The following PATJ variants were observed in gnomAD, a reference collection of about 807,000 sequenced individuals.
PATJ encodes inaD-like protein.
A neutral mutation model predicts 224.9 loss-of-function variants in PATJ; 190 were observed. The observed-to-expected ratio is 0.84, with a 90% CI of 0.75 to 0.95. PATJ has a LOEUF of 0.95. Among genes scored for constraint, PATJ ranks in the 40% least tolerant of loss-of-function variants. PATJ has a pLI of 0.00. For synonymous variants in PATJ, 769 were observed against 820.3 expected, an observed-to-expected ratio of 0.94 and a Z score of 1.07; for missense variants, 2,121 against 2,270.3, an observed-to-expected ratio of 0.93 and a Z score of 1.34.
chr1:61,748,278 C>T (rs1374169323), intron 1 of PATJ, among the ~76,000 whole-genome samples: 8 of 73,424 alleles, frequency 1.1e-4, no homozygotes, highest in African/African-American at 4.1e-4. Context: ...TTTTTTGAGA[C>T]GAGTCTTGCT....
At chr1:61,892,794 A>C (rs1263688364) in intron 22 of PATJ, among the ~76,000 whole-genome samples, 1 of 152,050 alleles carries the variant, frequency 6.6e-6, no homozygotes, top group Non-Finnish European at 1.5e-5. Context: ...CGTTTGTTAC[A>C]ATTGATAATA....
intron 39 of PATJ, among the ~76,000 whole-genome samples, chr1:62,126,491 A>G (rs2148938331): frequency 6.6e-6 from 1 of 152,350 alleles, no homozygotes; most frequent in South Asian, 2.1e-4. Context: ...CTGTGCTGCC[A>G]TGCCAGAACT....
chr1:61,988,923 G>T (rs930833106), intron 27 of PATJ, among the ~76,000 whole-genome samples: 3 of 152,230 alleles, frequency 2.0e-5, no homozygotes, highest in African/African-American at 7.2e-5. Flanking sequence ...ATTAGAATGA[G>T]CATTTAGGGT....
At chr1:61,983,640 A>T (rs1447535251) in intron 27 of PATJ, among the ~76,000 whole-genome samples, 1 of 152,116 alleles carries the variant, frequency 6.6e-6, no homozygotes, top group Non-Finnish European at 1.5e-5. Flanking sequence ...GAGGATCTTC[A>T]AAATCACTCA....
chr1:61,793,257 C>T (rs555265889), intron 9 of PATJ, among the ~76,000 whole-genome samples: 7 of 152,052 alleles, frequency 4.6e-5, no homozygotes, highest in African/African-American at 1.7e-4. Flanking sequence ...GCCCACTGTA[C>T]AAGCAAACTA....
intron 41 of PATJ, among the ~76,000 whole-genome samples, chr1:62,130,402 C>T (rs1003283889): frequency 6.6e-6 from 1 of 152,078 alleles, no homozygotes; most frequent in Non-Finnish European, 1.5e-5. Flanking sequence ...TAGTGGCTCA[C>T]GCCTATAATC....
intron 1 of PATJ, among the ~76,000 whole-genome samples, chr1:61,743,604 A>G (rs1644873535): frequency 1.3e-5 from 2 of 152,196 alleles, no homozygotes; most frequent in East Asian, 1.9e-4. Flanking sequence ...CTAAATTCCT[A>G]TTGGCTGCAA....
intron 27 of PATJ, among the ~76,000 whole-genome samples, chr1:61,932,107 G>A (rs1390872516): frequency 6.6e-6 from 1 of 152,116 alleles, no homozygotes; most frequent in East Asian, 1.9e-4. Context: ...AAACTTCAGT[G>A]TGCCTCAGGA....
rs546070488 is a variant in PATJ at position 62,111,623 on chromosome 1, G to A, written c.4462-2430G>A. On this transcript the variant is annotated intron_variant, in intron 34 of 43. Coordinates refer to ENST00000642238, the MANE Select transcript of PATJ (RefSeq NM_001350145.3). Reference sequence around the variant, plus strand: ...TCATATAGCCAGGAAGTTGGAATCAGCACTCAAACTGAAGTGCATCTATAT... The same window carrying A: ...TCATATAGCCAGGAAGTTGGAATCAACACTCAAACTGAAGTGCATCTATAT... 2.0e-5 allele frequency among the ~76,000 whole-genome samples: 3 copies of A among 151,766 alleles called. No homozygotes were observed. The East Asian group carries it at 5.8e-4, about 29-fold the overall frequency.
Position 61,875,380 on chromosome 1 carries a change from G to A in PATJ, c.2959+14G>A. Reference sequence around the variant, plus strand: ...GTCTGGATTTAGGTTTGTGACTTTTGTTTCTCATAAACACAAATTACATTA... The same window carrying A: ...GTCTGGATTTAGGTTTGTGACTTTTATTTCTCATAAACACAAATTACATTA... On this transcript the variant is annotated intron_variant, in intron 21 of 43. Coordinates refer to ENST00000642238, the MANE Select transcript of PATJ (RefSeq NM_001350145.3). 1 of 1,589,638 alleles carries A rather than the reference G, an allele frequency of 6.3e-7. No homozygotes were observed. Among genetic ancestry groups the A allele is most frequent in the Non-Finnish European group, 8.5e-7 (1 of 1,170,292 alleles).
At chr1:61,750,217 G>A (rs1645244350) in intron 1 of PATJ, among the ~76,000 whole-genome samples, 1 of 152,170 alleles carries the variant, frequency 6.6e-6, no homozygotes, top group African/African-American at 2.4e-5. Context: ...TGTACTCTTA[G>A]AACCAAAGCA....
intron 22 of PATJ, among the ~76,000 whole-genome samples, chr1:61,894,270 C>CAAAA (rs71050178): frequency 6.7e-6 from 1 of 148,618 alleles, no homozygotes; most frequent in Non-Finnish European, 1.5e-5. Flanking sequence ...AAAAAAAAAA[C>CAAAA]ACAAAAAAAA....
chr1:62,078,104 G>C (rs1255114783), intron 31 of PATJ, among the ~76,000 whole-genome samples: 1 of 152,152 alleles, frequency 6.6e-6, no homozygotes, highest in East Asian at 1.9e-4. Context: ...CAGTTACCTT[G>C]GTCCTATTTC....
chr1:61,976,976 G>T (rs1644171069), intron 27 of PATJ, among the ~76,000 whole-genome samples: 1 of 151,566 alleles, frequency 6.6e-6, no homozygotes, highest in Admixed American at 6.6e-5. Flanking sequence ...TAATTTTTTG[G>T]TTTTTCTAAT....
chr1:61,898,520 G>A (rs568036887), intron 22 of PATJ, among the ~76,000 whole-genome samples: 5 of 152,154 alleles, frequency 3.3e-5, no homozygotes, highest in Middle Eastern at 3.4e-3. Context: ...TTACAGCCAT[G>A]AGCCACCACA....
At chr1:61,913,715 A>G (rs1172243878) in intron 25 of PATJ, among the ~76,000 whole-genome samples, 1 of 152,252 alleles carries the variant, frequency 6.6e-6, no homozygotes, top group Non-Finnish European at 1.5e-5. Context: ...AAGCTTATTC[A>G]GTGGTGGGAA....
At position 61,987,454 on chromosome 1, in the gene PATJ, G is replaced by A. The variant is rs763767048; in HGVS notation, c.3671-2714G>A. Reference sequence around the variant, plus strand: ...TTCTGAGAGAGGTGTGTTAAAATTGGTGTTTCATGTTGTTTTCTTAGCTGC... The same window carrying A: ...TTCTGAGAGAGGTGTGTTAAAATTGATGTTTCATGTTGTTTTCTTAGCTGC... On this transcript the variant is annotated intron_variant, in intron 27 of 43. Transcript: ENST00000642238. Among the ~76,000 whole-genome samples, 33 of 151,938 alleles carry A rather than the reference G, an allele frequency of 2.2e-4. 1 individual carries two copies. Among genetic ancestry groups the A allele is most frequent in the Non-Finnish European group, 4.1e-4 (28 of 68,002 alleles).
intron 1 of PATJ, 102 bp from the exon 2 acceptor site, chr1:61,762,756 C>T (rs2148291774): frequency 1.9e-6 from 1 of 534,352 alleles, no homozygotes; most frequent in Non-Finnish European, 3.3e-6. Flanking sequence ...CTGAGTGGAG[C>T]CTTGATAAAG....
chr1:62,013,905 C>CT (rs1362316430), intron 28 of PATJ, among the ~76,000 whole-genome samples: 9 of 152,128 alleles, frequency 5.9e-5, no homozygotes, highest in Admixed American at 2.6e-4. Flanking sequence ...TCCCAAGTAG[C>CT]TGGGACCACA....
Sources: gnomAD v4.1 joint callset for allele counts (sites outside exome capture counted in the v4.1 genomes callset) on GRCh38, gnomAD v4.1.1 for gene constraint, MANE v1.5 for transcripts, NCBI Gene and HGNC (gene_info 2026-07-23, HGNC 2026-07-21) for gene names.